The following RYR2 variants were observed in gnomAD, a reference collection of about 807,000 sequenced individuals.
The protein encoded by RYR2 is cardiac muscle ryanodine receptor-calcium release channel.
Under a neutral mutation model 601.1 loss-of-function variants are expected in RYR2, and 227 were observed. The ratio of observed to expected loss-of-function variants is 0.38; its 90% CI spans 0.34 to 0.42. RYR2 has a LOEUF of 0.42. Ranked by LOEUF, RYR2 falls within the 10% of genes least tolerant of loss-of-function variation. The pLI is 1.00. For synonymous variants in RYR2, 2,223 were observed against 2,175.1 expected (o/e 1.02, Z -0.61); for missense variants, 4,646 against 6,156.5 (o/e 0.75, Z 8.21).
At chr1:237,151,932 G>C (rs907382778) in intron 1 of RYR2, among the ~76,000 whole-genome samples, 4 of 152,096 alleles carry the variant, frequency 2.6e-5, no homozygotes, top group African/African-American at 9.7e-5. Context: ...TGGGTGGTTT[G>C]CTGCACCCAT....
At chr1:237,621,321 A>T (rs1056589058) in intron 38 of RYR2, among the ~76,000 whole-genome samples, 2 of 152,146 alleles carry the variant, frequency 1.3e-5, no homozygotes, top group South Asian at 2.1e-4. Flanking sequence ...AACCACTCAG[A>T]TCAATAACCT....
chr1:237,631,681 T>A, intron 42 of RYR2, 140 bp downstream of exon 42: 1 of 426,588 alleles, frequency 2.3e-6, no homozygotes, highest in Non-Finnish European at 3.8e-6. Context: ...CAGGCTGGAG[T>A]GCAGTGCACG....
intron 3 of RYR2, among the ~76,000 whole-genome samples, chr1:237,334,489 T>C (rs188380730): frequency 1.3e-4 from 19 of 151,600 alleles, no homozygotes; most frequent in Non-Finnish European, 2.2e-4. Context: ...ATCCAGTATT[T>C]ATATAATTAC....
intron 97 of RYR2, among the ~76,000 whole-genome samples, chr1:237,798,476 T>C (rs1408728145): frequency 6.6e-6 from 1 of 152,168 alleles, no homozygotes; most frequent in East Asian, 1.9e-4. Context: ...GTAAAACACA[T>C]GCAAAAACTC....
chr1:237,813,014 TC>T (rs1367058277), intron 100 of RYR2, among the ~76,000 whole-genome samples: 1 of 151,646 alleles, frequency 6.6e-6, no homozygotes, highest in African/African-American at 2.4e-5. Flanking sequence ...CTTTACCCCC[TC>T]CTCCCACGCC....
chr1:237,414,648 A>G (rs1467710010), intron 10 of RYR2, among the ~76,000 whole-genome samples: 1 of 152,222 alleles, frequency 6.6e-6, no homozygotes, highest in Non-Finnish European at 1.5e-5. Context: ...ATGTATATCA[A>G]TGCAAACATT....
intron 52 of RYR2, among the ~76,000 whole-genome samples, chr1:237,654,806 G>A (rs948253658): frequency 2.0e-5 from 3 of 152,188 alleles, no homozygotes; most frequent in Non-Finnish European, 4.4e-5. Context: ...TAATATCCCA[G>A]TGCCCTGCTA....
At chr1:237,730,825 T>C (rs1690615124) in intron 77 of RYR2, among the ~76,000 whole-genome samples, 1 of 151,988 alleles carries the variant, frequency 6.6e-6, no homozygotes, top group Non-Finnish European at 1.5e-5. Context: ...GCATGAGAAG[T>C]AGAATTTTCA....
intron 11 of RYR2, among the ~76,000 whole-genome samples, chr1:237,419,841 T>G (rs1572238464): frequency 6.7e-6 from 1 of 149,670 alleles, no homozygotes; most frequent in South Asian, 2.1e-4. Context: ...GGAGCTTTTA[T>G]TTTTTTAATT....
In RYR2 at chr1:237,279,761, CATTAAAAAACAGTAAA is replaced by C. The variant is rs565379370; in HGVS notation, c.168+9147_168+9162del. On this transcript the variant is annotated intron_variant, in intron 2 of 104. Transcript: ENST00000366574. Reference sequence around the variant, plus strand: ...GTGCTGCCCCTACAAAAGGGACATTCATTAAAAAACAGTAAAAGCCATTCTTATTTAATTATCTCAC... The same window carrying C: ...GTGCTGCCCCTACAAAAGGGACATTCAGCCATTCTTATTTAATTATCTCAC... Among the ~76,000 whole-genome samples, 7 of 152,242 alleles carry C rather than the reference CATTAAAAAACAGTAAA, an allele frequency of 4.6e-5. No individual in the cohort carries two copies. In the South Asian group the frequency reaches 1.5e-3, roughly 32 times the overall value.
At chr1:237,132,032 C>G (rs1400406756) in intron 1 of RYR2, among the ~76,000 whole-genome samples, 1 of 152,292 alleles carries the variant, frequency 6.6e-6, no homozygotes, top group Non-Finnish European at 1.5e-5. Flanking sequence ...CCCAAGTATT[C>G]ATAATCTTGC....
chr1:237,510,743 G>T (rs929298776), intron 23 of RYR2, among the ~76,000 whole-genome samples: 1 of 152,206 alleles, frequency 6.6e-6, no homozygotes, highest in African/African-American at 2.4e-5. Flanking sequence ...TGCTGCCACG[G>T]CGTTAATGCC....
At chr1:237,435,067 G>A (rs555244085) in intron 12 of RYR2, among the ~76,000 whole-genome samples, 1 of 152,208 alleles carries the variant, frequency 6.6e-6, no homozygotes, top group South Asian at 2.1e-4. Flanking sequence ...CATGTGCTAC[G>A]ATGCCAGACT....
In RYR2 at chr1:237,705,673, C is replaced by T. The variant is rs572969912; in HGVS notation, c.9580+330C>T. Reference sequence around the variant, plus strand: ...AGATGAGGGAGTATCGCAGCCTAGACGTAATCCCAGGTTTCTCTTCTGGGT... The same window carrying T: ...AGATGAGGGAGTATCGCAGCCTAGATGTAATCCCAGGTTTCTCTTCTGGGT... On this transcript the variant is annotated intron_variant, in intron 67 of 104. Coordinates refer to ENST00000366574, the MANE Select transcript of RYR2 (RefSeq NM_001035.3). Among the ~76,000 whole-genome samples, 3 of 152,224 alleles carry T rather than the reference C, an allele frequency of 2.0e-5. No individual in the cohort carries two copies. The South Asian group carries it at 6.2e-4, about 32-fold the overall frequency.
chr1:237,409,245 A>G (rs1349099856), intron 10 of RYR2, among the ~76,000 whole-genome samples: 1 of 152,142 alleles, frequency 6.6e-6, no homozygotes, highest in Non-Finnish European at 1.5e-5. Flanking sequence ...TGGTCCTGAT[A>G]TAGAAGCAAC....
chr1:237,221,171 G>A (rs550757032), intron 1 of RYR2, among the ~76,000 whole-genome samples: 3 of 152,254 alleles, frequency 2.0e-5, no homozygotes, highest in East Asian at 3.9e-4. Flanking sequence ...TTATAAGTTT[G>A]TAGCCAAAGT....
At chr1:237,364,407 A>G (rs1298622097) in intron 5 of RYR2, 35 bp downstream of exon 5, 4 of 1,209,020 alleles carry the variant, frequency 3.3e-6, no homozygotes, top group Middle Eastern at 2.0e-4. Context: ...ATGTATATAT[A>G]TAGCAGATAT....
intron 21 of RYR2, among the ~76,000 whole-genome samples, chr1:237,501,977 C>A (rs1347969751): frequency 1.6e-4 from 24 of 151,052 alleles, no homozygotes; most frequent in Non-Finnish European, 4.4e-5. Context: ...CCTATCTCTG[C>A]AAAAGTTTTG....
intron 29 of RYR2, among the ~76,000 whole-genome samples, chr1:237,576,357 T>C (rs1427660059): frequency 6.6e-6 from 1 of 152,184 alleles, no homozygotes; most frequent in African/African-American, 2.4e-5. Context: ...GGATTTATTG[T>C]GAAGCTATAG....
Sources: gnomAD v4.1 joint callset for allele counts (sites outside exome capture counted in the v4.1 genomes callset) on GRCh38, gnomAD v4.1.1 for gene constraint, MANE v1.5 for transcripts, NCBI Gene and HGNC (gene_info 2026-07-23, HGNC 2026-07-21) for gene names.